Variants in NBAS observed in about 807,000 individuals in gnomAD.
NBAS encodes the protein NAG/BC035112 fusion.
In NBAS, 219 loss-of-function variants were observed where a neutral mutation model predicts 302.5. The observed-to-expected ratio is 0.72, with a 90% CI of 0.65 to 0.81. The LOEUF (loss-of-function observed/expected upper bound fraction) is 0.81. Among genes scored for constraint, NBAS ranks in the 30% least tolerant of loss-of-function variants. The pLI is 0.00. For missense variants in NBAS, 2,932 were observed against 2,841.6 expected, an observed-to-expected ratio of 1.03 and a Z score of -0.72; for synonymous variants, 1,118 against 1,021.6, an observed-to-expected ratio of 1.09 and a Z score of -1.80.
intron 38 of NBAS, among the ~76,000 whole-genome samples, chr2:15,315,749 T>C (rs1397388320): frequency 6.6e-6 from 1 of 152,176 alleles, no homozygotes; most frequent in African/African-American, 2.4e-5. Flanking sequence ...ATCTCATGAC[T>C]TTTTTTCTCC....
the NBAS span, among the ~76,000 whole-genome samples, chr2:14,848,236 C>T: frequency 2.0e-5 from 3 of 150,894 alleles, no homozygotes; most frequent in African/African-American, 2.5e-5. Context: ...ATGCGAGAGC[C>T]GAAGCAGGGC....
the NBAS span, among the ~76,000 whole-genome samples, chr2:15,073,483 A>T: frequency 5.7e-5 from 8 of 140,332 alleles, no homozygotes; most frequent in Non-Finnish European, 1.2e-4. Context: ...TCTCAAAAAA[A>T]AAAAAAAATA....
chr2:15,070,970 G>A, the NBAS span, among the ~76,000 whole-genome samples: 2 of 152,098 alleles, frequency 1.3e-5, no homozygotes, highest in South Asian at 4.2e-4. Flanking sequence ...GAGAAACTGA[G>A]ACCCAGAGAG....
intron 12 of NBAS, among the ~76,000 whole-genome samples, chr2:15,488,550 T>A (rs1680729349): frequency 6.6e-6 from 1 of 152,190 alleles, no homozygotes; most frequent in Non-Finnish European, 1.5e-5. Context: ...CTTTTAGGAT[T>A]TGACCCTCCA....
At chr2:15,357,376 C>T (rs569577485) in intron 32 of NBAS, among the ~76,000 whole-genome samples, 4 of 152,324 alleles carry the variant, frequency 2.6e-5, no homozygotes, top group African/African-American at 9.6e-5. Flanking sequence ...GAGTTTGGTG[C>T]TGCCTGATTC....
At chr2:14,838,435 A>G in the NBAS span, among the ~76,000 whole-genome samples, 3 of 151,830 alleles carry the variant, frequency 2.0e-5, no homozygotes, top group African/African-American at 4.8e-5. Context: ...ACTTTTTATA[A>G]TTTCCAGTTT....
the NBAS span, among the ~76,000 whole-genome samples, chr2:14,821,391 T>C: frequency 6.6e-6 from 1 of 152,234 alleles, no homozygotes; most frequent in Non-Finnish European, 1.5e-5. Flanking sequence ...ATGATATTCT[T>C]GCCTGACTTC....
At chr2:15,331,286 T>C (rs561680017) in intron 35 of NBAS, among the ~76,000 whole-genome samples, 1 of 152,334 alleles carries the variant, frequency 6.6e-6, no homozygotes, top group Non-Finnish European at 1.5e-5. Flanking sequence ...GTTTATAATG[T>C]GTACGGTACC....
At chr2:15,167,740 G>C (rs979766536) in intron 51 of NBAS, among the ~76,000 whole-genome samples, 1 of 152,196 alleles carries the variant, frequency 6.6e-6, no homozygotes, top group Non-Finnish European at 1.5e-5. Context: ...GGTCAATCTT[G>C]ACATCAAAGT....
At chr2:15,506,103 G>A (rs927799810) in intron 10 of NBAS, among the ~76,000 whole-genome samples, 4 of 151,604 alleles carry the variant, frequency 2.6e-5, no homozygotes, top group African/African-American at 9.7e-5. Context: ...AAAGGGAGAG[G>A]TAAAAAGAGT....
the NBAS span, among the ~76,000 whole-genome samples, chr2:14,839,481 A>C: frequency 3.9e-5 from 6 of 152,036 alleles, no homozygotes; most frequent in Non-Finnish European, 8.8e-5. Flanking sequence ...AAACTACCAT[A>C]TCCAGCCTTG....
chr2:15,195,716 C>T (rs1230271247), intron 48 of NBAS, among the ~76,000 whole-genome samples: 1 of 152,162 alleles, frequency 6.6e-6, no homozygotes, highest in African/African-American at 2.4e-5. Context: ...AGCTGGTGAT[C>T]AGCAGCTTCC....
chr2:15,452,430 C>CTAAAAAAT (rs1259287124), intron 21 of NBAS, among the ~76,000 whole-genome samples: 1 of 35,968 alleles, frequency 2.8e-5, no homozygotes. Context: ...CCCGTCTCTA[C>CTAAAAAAT]TAAAAAAATT....
At chr2:14,998,898 C>T in the NBAS span, among the ~76,000 whole-genome samples, 1 of 152,308 alleles carries the variant, frequency 6.6e-6, no homozygotes, top group East Asian at 1.9e-4. Flanking sequence ...TTCTCCAAAT[C>T]GGATCATCTT....
chr2:15,309,132 T>A, intron 39 of NBAS, 39 bp downstream of exon 39: 1 of 1,526,430 alleles, frequency 6.6e-7, no homozygotes, highest in Non-Finnish European at 9.1e-7. Context: ...ATTTTCCATT[T>A]AGTCATTTTA....
At chr2:14,855,927 GGCAGTA>G in the NBAS span, among the ~76,000 whole-genome samples, 1 of 152,222 alleles carries the variant, frequency 6.6e-6, no homozygotes, top group African/African-American at 2.4e-5. Flanking sequence ...AACACACATA[GGCAGTA>G]GCAGGGAGTG....
At chr2:15,167,520 A>T (rs1331060154) in intron 51 of NBAS, among the ~76,000 whole-genome samples, 197 bp from the exon 52 acceptor site, 1 of 152,196 alleles carries the variant, frequency 6.6e-6, no homozygotes, top group Admixed American at 6.5e-5. Flanking sequence ...TAACATAAGA[A>T]GACACAAGAA....
chr2:15,227,731 G>T (rs1198755013), intron 47 of NBAS, among the ~76,000 whole-genome samples: 1 of 152,022 alleles, frequency 6.6e-6, no homozygotes, highest in African/African-American at 2.4e-5. Context: ...ACACACACTG[G>T]GAAAAGTACA....
chr2:15,115,843 G>A, the NBAS span, among the ~76,000 whole-genome samples: 1 of 151,994 alleles, frequency 6.6e-6, no homozygotes, highest in African/African-American at 2.4e-5. Context: ...ATCATCCTAG[G>A]GCCTCAGCAG....
Sources: gnomAD v4.1 joint callset for allele counts (sites outside exome capture counted in the v4.1 genomes callset) on GRCh38, gnomAD v4.1.1 for gene constraint, MANE v1.5 for transcripts, NCBI Gene and HGNC (gene_info 2026-07-23, HGNC 2026-07-21) for gene names.